The following MRPL48 variants were observed in gnomAD, a reference collection of about 807,000 sequenced individuals.
The protein encoded by MRPL48 is mitochondrial ribosomal protein L48, also known as large ribosomal subunit protein mL48.
A neutral mutation model predicts 32.9 loss-of-function variants in MRPL48; 16 were observed. The observed-to-expected ratio is 0.49, with a 90% CI of 0.33 to 0.74. The LOEUF (loss-of-function observed/expected upper bound fraction) is 0.74. Ranked by LOEUF, MRPL48 falls within the 30% of genes least tolerant of loss-of-function variation. MRPL48 has a pLI of 0.02. For missense variants in MRPL48, 206 were observed against 245.3 expected, an observed-to-expected ratio of 0.84 and a Z score of 1.07; for synonymous variants, 94 against 89.2, an observed-to-expected ratio of 1.05 and a Z score of -0.31.
In MRPL48 at chr11:73,864,656, T is replaced by G; in HGVS notation, c.*286T>G. ...AATTGGCCCATCCTGTGGAGTATCT[T>G]TAAGAGATTCTATATTCTGGCCAGG... is the stretch of plus-strand genomic sequence containing the variant. On this transcript the variant is annotated 3_prime_UTR_variant, in exon 8 of 8. Coordinates refer to ENST00000310614, the MANE Select transcript of MRPL48 (RefSeq NM_016055.6). 1 of 409,666 alleles carries G rather than the reference T, an allele frequency of 2.4e-6. No homozygotes were observed. The highest frequency in any genetic ancestry group is 3.8e-5 in the East Asian group (1 of 26,594). 25.4% of individuals were successfully genotyped at this position (409,666 alleles called of 1,614,324 possible). A position where few individuals can be genotyped will look rare whatever the true frequency, so the allele number is the denominator to read the frequency against.
chr11:73,822,532 G>T (rs941715014), intron 3 of MRPL48, among the ~76,000 whole-genome samples: 4 of 152,184 alleles, frequency 2.6e-5, no homozygotes, highest in Non-Finnish European at 4.4e-5. Flanking sequence ...TCGTGGAAGG[G>T]ATCCATGATA....
intron 5 of MRPL48, among the ~76,000 whole-genome samples, chr11:73,853,510 A>C: frequency 6.6e-6 from 1 of 152,102 alleles, no homozygotes; most frequent in Non-Finnish European, 1.5e-5. Flanking sequence ...CCTCATCTAT[A>C]TAATGAGGAT....
chr11:73,855,915 A>T (rs1016901190), intron 5 of MRPL48, among the ~76,000 whole-genome samples: 1 of 152,220 alleles, frequency 6.6e-6, no homozygotes, highest in African/African-American at 2.4e-5. Flanking sequence ...CTGCTCTTTC[A>T]TAACATGCAC....
At chr11:73,806,388 A>G (rs914454696) in intron 2 of MRPL48, among the ~76,000 whole-genome samples, 1 of 152,126 alleles carries the variant, frequency 6.6e-6, no homozygotes, top group South Asian at 2.1e-4. Flanking sequence ...TCAGATATCC[A>G]TATGGTTTGT....
At chr11:73,818,897 C>G (rs1421292620) in intron 3 of MRPL48, among the ~76,000 whole-genome samples, 2 of 152,224 alleles carry the variant, frequency 1.3e-5, no homozygotes, top group Non-Finnish European at 2.9e-5. Context: ...TGCATGATTA[C>G]ATCTTATAAT....
intron 1 of MRPL48, among the ~76,000 whole-genome samples, chr11:73,803,160 C>G (rs1947387627): frequency 6.6e-6 from 1 of 152,114 alleles, no homozygotes. Context: ...CAGAGTCTTG[C>G]TCTGTTGCCC....
chr11:73,837,240 ATCAC>A (rs1440937714), intron 4 of MRPL48, among the ~76,000 whole-genome samples: 1 of 152,196 alleles, frequency 6.6e-6, no homozygotes, highest in Non-Finnish European at 1.5e-5. Flanking sequence ...GGTAGATACT[ATCAC>A]TTTAAAGGAG....
intron 3 of MRPL48, among the ~76,000 whole-genome samples, chr11:73,809,825 A>AT (rs929834661): frequency 7.9e-5 from 12 of 152,234 alleles, no homozygotes; most frequent in African/African-American, 2.9e-4. Context: ...GGGAACTAAC[A>AT]TTTTTTACTC....
intron 5 of MRPL48, among the ~76,000 whole-genome samples, chr11:73,857,722 G>C (rs1183298689): frequency 6.6e-6 from 1 of 150,668 alleles, no homozygotes; most frequent in Non-Finnish European, 1.5e-5. Flanking sequence ...AGCCTCCTGC[G>C]TAGCTGGGAT....
At chr11:73,817,656 C>G (rs1264796451) in intron 3 of MRPL48, among the ~76,000 whole-genome samples, 3 of 152,164 alleles carry the variant, frequency 2.0e-5, no homozygotes, top group Admixed American at 6.5e-5. Context: ...CATGTTTCAA[C>G]TGTGACTGGA....
intron 5 of MRPL48, among the ~76,000 whole-genome samples, chr11:73,854,675 C>G (rs2135077140): frequency 6.6e-6 from 1 of 152,246 alleles, no homozygotes; most frequent in Non-Finnish European, 1.5e-5. Flanking sequence ...TTGTATACTC[C>G]TGGATTATAG....
chr11:73,838,902 T>A (rs1383232259), intron 4 of MRPL48, among the ~76,000 whole-genome samples: 10 of 152,208 alleles, frequency 6.6e-5, no homozygotes, highest in African/African-American at 2.4e-4. Flanking sequence ...GGCTTCATAT[T>A]CTTCCCTTGC....
intron 4 of MRPL48, among the ~76,000 whole-genome samples, chr11:73,843,833 C>T (rs549787913): frequency 6.6e-6 from 1 of 152,210 alleles, no homozygotes; most frequent in African/African-American, 2.4e-5. Context: ...AATCCCGGCA[C>T]TTGGGGAGGC....
chr11:73,807,710 T>C (rs1296012973), intron 2 of MRPL48, among the ~76,000 whole-genome samples: 4 of 150,586 alleles, frequency 2.7e-5, no homozygotes, highest in South Asian at 2.1e-4. Flanking sequence ...CGATCTTGGC[T>C]TACTGCAACC....
intron 3 of MRPL48, among the ~76,000 whole-genome samples, chr11:73,814,905 T>A (rs1947635533): frequency 6.6e-6 from 1 of 151,728 alleles, no homozygotes; most frequent in Non-Finnish European, 1.5e-5. Flanking sequence ...TGAAGGAGAA[T>A]CCCTTGAACC....
chr11:73,843,333 T>C (rs1425548607), intron 4 of MRPL48: 1 of 151,462 alleles, frequency 6.6e-6, no homozygotes, highest in Non-Finnish European at 1.5e-5. Flanking sequence ...CAAGTGATTC[T>C]CCTGCCTCAG....
intron 4 of MRPL48, chr11:73,832,499 T>C (rs1948014416): frequency 6.5e-6 from 1 of 152,696 alleles, no homozygotes; most frequent in East Asian, 1.9e-4. Context: ...GCTAGTCATA[T>C]ACCCTTGACT....
chr11:73,820,814 T>TTC (rs1272178519), intron 3 of MRPL48, among the ~76,000 whole-genome samples: 2 of 150,172 alleles, frequency 1.3e-5, no homozygotes, highest in Non-Finnish European at 3.0e-5. Context: ...TTCTAGCTAC[T>TTC]TCCCCCCCAC....
chr11:73,842,640 T>C (rs1948210286), intron 4 of MRPL48: 1 of 152,064 alleles, frequency 6.6e-6, no homozygotes, highest in South Asian at 2.1e-4. Context: ...GCCCAGCTAA[T>C]TTTCATATTT....
Sources: allele counts gnomAD v4.1 joint callset (sites outside exome capture counted in the v4.1 genomes callset), GRCh38; gene constraint gnomAD v4.1.1; transcripts MANE v1.5; gene names NCBI Gene and HGNC (gene_info 2026-07-23, HGNC 2026-07-21).